Variants in CCSER1 observed in about 807,000 individuals in gnomAD.
CCSER1 encodes the protein serine-rich coiled-coil domain-containing protein 1.
CCSER1 carries 41 observed loss-of-function variants against 82.0 expected under a neutral mutation model. That is an observed-to-expected ratio of 0.50 (90% confidence interval 0.39 to 0.65). The LOEUF (loss-of-function observed/expected upper bound fraction) is 0.65, where lower values mean the gene tolerates loss of function less well. Among genes scored for constraint, CCSER1 ranks in the 30% least tolerant of loss-of-function variants. The probability of loss-of-function intolerance (pLI) is 0.00; values close to 1 mark genes in which losing one functional copy is unlikely to be tolerated. For missense variants in CCSER1, 1,119 were observed against 1,064.2 expected, an observed-to-expected ratio of 1.05 and a Z score of -0.72; for synonymous variants, 414 against 383.9, an observed-to-expected ratio of 1.08 and a Z score of -0.92.
intron 5 of CCSER1, among the ~76,000 whole-genome samples, chr4:90,576,150 T>C (rs958496731): frequency 1.3e-5 from 2 of 152,210 alleles, no homozygotes; most frequent in African/African-American, 4.8e-5. Context: ...TTGTTTGCTT[T>C]TTTTCTACTT....
chr4:91,465,350 A>C (rs1370459113), intron 10 of CCSER1, among the ~76,000 whole-genome samples: 1 of 152,234 alleles, frequency 6.6e-6, no homozygotes, highest in African/African-American at 2.4e-5. Context: ...GGACACATTT[A>C]AAGCAGTGTG....
At chr4:90,648,363 G>A (rs1036544008) in intron 6 of CCSER1, among the ~76,000 whole-genome samples, 2 of 148,904 alleles carry the variant, frequency 1.3e-5, no homozygotes, top group Non-Finnish European at 3.0e-5. Flanking sequence ...CAAGAAAGAA[G>A]TATACAAGTT....
intron 1 of CCSER1, among the ~76,000 whole-genome samples, chr4:90,193,532 T>C (rs1736030390): frequency 6.6e-6 from 1 of 152,036 alleles, no homozygotes; most frequent in Admixed American, 6.6e-5. Flanking sequence ...ACTGTACAAT[T>C]ATGATACATA....
At chr4:91,122,262 A>G (rs943695301) in intron 10 of CCSER1, among the ~76,000 whole-genome samples, 2 of 151,780 alleles carry the variant, frequency 1.3e-5, no homozygotes, top group South Asian at 4.1e-4. Context: ...TTAGCCTACT[A>G]TCTATTAACT....
chr4:91,507,829 T>A (rs910966262), intron 10 of CCSER1, among the ~76,000 whole-genome samples: 5 of 151,898 alleles, frequency 3.3e-5, no homozygotes, highest in Admixed American at 2.6e-4. Context: ...TACTTCAAGA[T>A]TATGAAGGCA....
intron 10 of CCSER1, among the ~76,000 whole-genome samples, chr4:91,449,516 G>T (rs944510827): frequency 6.6e-6 from 1 of 151,900 alleles, no homozygotes; most frequent in Non-Finnish European, 1.5e-5. Context: ...TTACAAATTT[G>T]TAATAATACA....
At chr4:91,569,108 T>C (rs1270854828) in intron 10 of CCSER1, among the ~76,000 whole-genome samples, 2 of 152,206 alleles carry the variant, frequency 1.3e-5, no homozygotes, top group African/African-American at 4.8e-5. Context: ...AGGTGGTACA[T>C]TAGTGAGGTA....
chr4:90,292,165 CCTCT>C (rs1464529073), intron 1 of CCSER1, among the ~76,000 whole-genome samples: 2 of 151,754 alleles, frequency 1.3e-5, no homozygotes, highest in Admixed American at 1.3e-4. Context: ...CTCTTTTTTT[CCTCT>C]CTTTTTCTGT....
intron 3 of CCSER1, among the ~76,000 whole-genome samples, chr4:90,329,297 G>A (rs1237871708): frequency 6.6e-6 from 1 of 152,048 alleles, no homozygotes; most frequent in Non-Finnish European, 1.5e-5. Context: ...TAATAATACT[G>A]CCCACCTCAT....
chr4:90,186,457 G>T (rs1466189126), intron 1 of CCSER1, among the ~76,000 whole-genome samples: 1 of 151,896 alleles, frequency 6.6e-6, no homozygotes, highest in Non-Finnish European at 1.5e-5. Flanking sequence ...ATCAGTGTCT[G>T]TCTGAAGCCT....
At chr4:91,196,125 T>A (rs80212929) in intron 10 of CCSER1, among the ~76,000 whole-genome samples, 18 of 147,490 alleles carry the variant, frequency 1.2e-4, no homozygotes, top group Admixed American at 8.3e-4. Flanking sequence ...AGGCGGAGCT[T>A]GCAGTGAGCA....
intron 6 of CCSER1, among the ~76,000 whole-genome samples, chr4:90,634,697 A>G (rs1190063248): frequency 2.0e-5 from 3 of 151,850 alleles, no homozygotes; most frequent in Non-Finnish European, 3.0e-5. Flanking sequence ...GCCACAGTGG[A>G]GAGTCATAAA....
intron 10 of CCSER1, among the ~76,000 whole-genome samples, chr4:91,168,534 G>A (rs1036329611): frequency 9.4e-5 from 14 of 149,194 alleles, no homozygotes; most frequent in African/African-American, 3.5e-4. Context: ...TGGGAGGTGA[G>A]GAGTGCCTCT....
intron 10 of CCSER1, among the ~76,000 whole-genome samples, chr4:91,506,066 G>A (rs1354438159): frequency 6.6e-6 from 1 of 152,054 alleles, no homozygotes; most frequent in Admixed American, 6.6e-5. Flanking sequence ...TATAGCTTTG[G>A]GTTTTACACT....
At chr4:90,937,256 G>A (rs996568697) in intron 9 of CCSER1, among the ~76,000 whole-genome samples, 1 of 152,114 alleles carries the variant, frequency 6.6e-6, no homozygotes, top group African/African-American at 2.4e-5. Flanking sequence ...GAACTCGAGT[G>A]ATGGGTCACT....
chr4:90,352,191 G>T (rs1180115414), intron 3 of CCSER1, among the ~76,000 whole-genome samples: 3 of 152,056 alleles, frequency 2.0e-5, no homozygotes, highest in African/African-American at 7.2e-5. Context: ...GGGCGTGGTG[G>T]CGGGCGCCTG....
chr4:91,050,723 A>T (rs1382596315), intron 9 of CCSER1, among the ~76,000 whole-genome samples: 1 of 152,180 alleles, frequency 6.6e-6, no homozygotes, highest in East Asian at 1.9e-4. Flanking sequence ...GAAATTTAGA[A>T]TAGAAGACAA....
Position 91,157,893 on chromosome 4 carries a change from A to G in CCSER1, c.2217+71899A>G, listed in dbSNP as rs556511262. Among the ~76,000 whole-genome samples, 12 of 152,168 alleles carry G rather than the reference A, an allele frequency of 7.9e-5. 1 individual carries two copies. The highest frequency in any genetic ancestry group is 7.8e-4 in the Admixed American group (12 of 15,292). On this transcript the variant is annotated intron_variant, in intron 10 of 10. Coordinates refer to ENST00000509176, the MANE Select transcript of CCSER1 (RefSeq NM_001145065.2). ...AGAGAATAGGCAAAGGAGATCTCCT[A>G]AAGTTGTTAAATCATTTCTTCAGGC...
At chr4:90,720,807 T>A (rs1188970038) in intron 6 of CCSER1, among the ~76,000 whole-genome samples, 1 of 151,990 alleles carries the variant, frequency 6.6e-6, no homozygotes, top group Non-Finnish European at 1.5e-5. Flanking sequence ...ATAATAAATA[T>A]AATAGTAGCA....
Sources: gnomAD v4.1 joint callset for allele counts (sites outside exome capture counted in the v4.1 genomes callset) on GRCh38, gnomAD v4.1.1 for gene constraint, MANE v1.5 for transcripts, NCBI Gene and HGNC (gene_info 2026-07-23, HGNC 2026-07-21) for gene names.